VGLL3: variants seen among roughly 807,000 people sequenced by gnomAD.
The protein encoded by VGLL3 is vestigial like family member 3.
VGLL3 carries 18 observed loss-of-function variants against 29.2 expected under a neutral mutation model. That is an observed-to-expected ratio of 0.62 (90% CI 0.43 to 0.91). The LOEUF (loss-of-function observed/expected upper bound fraction) is 0.91, where lower values mean the gene tolerates loss of function less well. Ranked by LOEUF, VGLL3 falls within the 40% of genes least tolerant of loss-of-function variation. The pLI is 0.00. For missense variants in VGLL3, 440 were observed against 413.2 expected, an observed-to-expected ratio of 1.06 and a Z score of -0.56; for synonymous variants, 180 against 151.8, an observed-to-expected ratio of 1.19 and a Z score of -1.36.
Position 86,968,751 on chromosome 3 carries a change from T to C in VGLL3, c.776A>G (p.Tyr259Cys), listed in dbSNP as rs1056027577. The change falls in exon 3 of 4, where the codon TAT becomes TGT. Residue 259 changes from tyrosine (Y) to cysteine (C), a missense_variant. Physicochemically the swap from Tyr to Cys is radical, Grantham distance 194. Transcript: ENST00000398399. Reference sequence around the variant, plus strand: ...CACTGAAGGCATCAGCAGAGGCCCATAGGATGGATCCAGGGCAGAGCCAGC... The same window carrying C: ...CACTGAAGGCATCAGCAGAGGCCCACAGGATGGATCCAGGGCAGAGCCAGC... ...PPAGSALDPSYGPLLMPSVHA... is the reference protein window; with the variant it reads ...PPAGSALDPSCGPLLMPSVHA... 2 of 1,613,976 alleles carry C rather than the reference T, an allele frequency of 1.2e-6. No individual in the cohort carries two copies. The highest frequency in any genetic ancestry group is 1.3e-5 in the African/African-American group (1 of 74,890).
intron 2 of VGLL3, among the ~76,000 whole-genome samples, chr3:86,975,722 T>C (rs1027669064): frequency 7.2e-5 from 11 of 152,118 alleles, no homozygotes; most frequent in Non-Finnish European, 1.6e-4. Flanking sequence ...TAAGAAGATA[T>C]GGTATTTGTA....
chr3:86,947,613 A>T (rs1704533621), intron 3 of VGLL3, among the ~76,000 whole-genome samples: 1 of 152,192 alleles, frequency 6.6e-6, no homozygotes, highest in Non-Finnish European at 1.5e-5. Flanking sequence ...AAATAAACAC[A>T]GTTGGTTCAT....
chr3:86,951,742 A>G (rs555572485), intron 3 of VGLL3, among the ~76,000 whole-genome samples: 249 of 146,616 alleles, frequency 1.7e-3, no homozygotes, highest in African/African-American at 5.8e-3. Context: ...CCCCCAAAAA[A>G]TCTTAAAGCT....
At chr3:86,962,284 C>T (rs1704865938) in intron 3 of VGLL3, 1 of 985,356 alleles carries the variant, frequency 1.0e-6, no homozygotes, top group African/African-American at 1.7e-5. Context: ...AGTGAGCTCG[C>T]ATGACAGCAA....
intron 1 of VGLL3, among the ~76,000 whole-genome samples, chr3:86,984,332 G>T (rs555052884): frequency 2.9e-4 from 44 of 152,250 alleles, no homozygotes; most frequent in Middle Eastern, 3.4e-3. Flanking sequence ...GTAGGGAGGA[G>T]CCAACCGAAA....
At chr3:86,988,378 T>C (rs1705494791) in intron 1 of VGLL3, among the ~76,000 whole-genome samples, 1 of 151,806 alleles carries the variant, frequency 6.6e-6, no homozygotes. Context: ...TAAAACCTTA[T>C]GGAATGCAAA....
Position 86,956,159 on chromosome 3 carries a change from T to A in VGLL3, c.938-9092A>T, listed in dbSNP as rs572734822. Among the ~76,000 whole-genome samples the A allele has an allele frequency of 5.9e-5, 9 of 152,366 alleles. 1 individual carries two copies. In the East Asian group the frequency reaches 1.4e-3, roughly 23 times the overall value. On this transcript the variant is annotated intron_variant, in intron 3 of 3. Transcript: ENST00000398399. ...GATATAAAATTGTCAGGGAACAAGT[T>A]CTGAAACAGATTTCTTCATTTGAGC... is the stretch of plus-strand genomic sequence containing the variant.
intron 3 of VGLL3, among the ~76,000 whole-genome samples, chr3:86,954,618 G>A (rs1425648995): frequency 6.6e-6 from 1 of 152,042 alleles, no homozygotes. Context: ...CATAGAGTTA[G>A]GTAGTTTTTT....
chr3:86,963,742 G>T (rs983604302), intron 3 of VGLL3, among the ~76,000 whole-genome samples: 2 of 152,122 alleles, frequency 1.3e-5, no homozygotes, highest in African/African-American at 4.8e-5. Flanking sequence ...ATCCTATTAG[G>T]CATTGTTTAC....
chr3:86,980,868 A>G (rs945878239), intron 1 of VGLL3, among the ~76,000 whole-genome samples: 30 of 151,704 alleles, frequency 2.0e-4, no homozygotes, highest in African/African-American at 7.0e-4. Context: ...CCTAAAACCT[A>G]TCTACATGGT....
At chr3:86,952,543 T>C in intron 3 of VGLL3, among the ~76,000 whole-genome samples, 1 of 152,170 alleles carries the variant, frequency 6.6e-6, no homozygotes, top group Non-Finnish European at 1.5e-5. Context: ...ACATAAAGCC[T>C]GAAAGTGTGT....
At chr3:86,962,562 A>G (rs986999911) in intron 3 of VGLL3, 60 of 972,894 alleles carry the variant, frequency 6.2e-5, no homozygotes, top group Non-Finnish European at 7.0e-5. Flanking sequence ...TTTAAAAAAC[A>G]AAAATTTAAA....
intron 1 of VGLL3, among the ~76,000 whole-genome samples, chr3:86,987,429 T>G (rs958408957): frequency 6.6e-6 from 1 of 152,192 alleles, no homozygotes; most frequent in African/African-American, 2.4e-5. Flanking sequence ...CCATTTTATA[T>G]GAAGCCCAAA....
At chr3:86,948,911 C>T (rs116322358) in intron 3 of VGLL3, among the ~76,000 whole-genome samples, 410 of 152,276 alleles carry the variant, frequency 2.7e-3, no homozygotes, top group Non-Finnish European at 5.0e-3. Flanking sequence ...AATTTGCAAC[C>T]TGACATAGTC....
intron 3 of VGLL3, among the ~76,000 whole-genome samples, chr3:86,949,781 C>T (rs1461553139): frequency 1.1e-4 from 16 of 143,710 alleles, no homozygotes; most frequent in Admixed American, 4.3e-4. Context: ...GAGCCGAGAT[C>T]ATGCCACTGC....
chr3:86,962,519 A>T (rs1415708991), intron 3 of VGLL3: 2 of 985,200 alleles, frequency 2.0e-6, no homozygotes, highest in African/African-American at 3.5e-5. Flanking sequence ...ATATGTTGTA[A>T]TGAATCTTAA....
intron 3 of VGLL3, among the ~76,000 whole-genome samples, chr3:86,951,466 G>A (rs1261513659): frequency 1.3e-5 from 2 of 152,070 alleles, no homozygotes; most frequent in Non-Finnish European, 2.9e-5. Context: ...CAAAGGGCCA[G>A]CCTTCTAATA....
intron 1 of VGLL3, among the ~76,000 whole-genome samples, chr3:86,981,917 A>C (rs894358818): frequency 1.3e-5 from 2 of 152,142 alleles, no homozygotes; most frequent in Non-Finnish European, 2.9e-5. Context: ...TAAGAATCTC[A>C]AAGTATCCAA....
chr3:86,990,882 C>T lies in VGLL3; in HGVS notation c.-139G>A. ...TACTGCGGCGAAGGCGGGTCCTCGG[C>T]GGCCTCGGGCTCCGCGCGGGGCGCG... On this transcript the variant is annotated 5_prime_UTR_variant, in exon 1 of 4. Coordinates refer to ENST00000398399, the MANE Select transcript of VGLL3 (RefSeq NM_016206.4). The T allele has an allele frequency of 8.8e-7, 1 of 1,138,252 alleles. No homozygotes were observed. Among genetic ancestry groups the T allele is most frequent in the Non-Finnish European group, 1.1e-6 (1 of 921,308 alleles). The allele number at this position is 1,138,252 out of a possible 1,614,324, so 70.5% of individuals were successfully genotyped here. A position where few individuals can be genotyped will look rare whatever the true frequency, so the allele number is the denominator to read the frequency against.
Sources: allele counts gnomAD v4.1 joint callset (sites outside exome capture counted in the v4.1 genomes callset), GRCh38; gene constraint gnomAD v4.1.1; transcripts MANE v1.5; gene names NCBI Gene and HGNC (gene_info 2026-07-23, HGNC 2026-07-21).